C1GALT1C1L: variants seen among roughly 807,000 people sequenced by gnomAD.
C1GALT1C1L encodes C1GALT1-specific chaperone 1-like protein.
In C1GALT1C1L, 1 loss-of-function variant was observed where a neutral mutation model predicts 0.5. The observed-to-expected ratio is 2.11, with a 90% CI of 0.75 to 10.02. The LOEUF (loss-of-function observed/expected upper bound fraction) is 10.02. Ranked by LOEUF, C1GALT1C1L falls within the 30% of genes most tolerant of loss-of-function variation. The pLI is 0.13. For missense variants in C1GALT1C1L, 444 were observed against 375.5 expected, an observed-to-expected ratio of 1.18 and a Z score of -1.51; for synonymous variants, 148 against 132.6, an observed-to-expected ratio of 1.12 and a Z score of -0.80.
chr2:43,675,648 T>C lies in C1GALT1C1L; in HGVS notation c.675A>G (p.Lys225=). The part of the protein sequence containing the change: ...SEDKQLAICL[K]YAGVHAENAE... Reference sequence around the variant, plus strand: ...CATTTTCTGCATGAACTCCTGCATATTTCAGGCATATTGCCAGCTGCTTAT... The same window carrying C: ...CATTTTCTGCATGAACTCCTGCATACTTCAGGCATATTGCCAGCTGCTTAT... Residue 225 remains lysine (K), a synonymous_variant, in exon 1 of 1, where the codon AAA becomes AAG. Transcript: ENST00000475092. 1 of 1,613,996 alleles carries C rather than the reference T, an allele frequency of 6.2e-7. No homozygotes were observed. Among genetic ancestry groups the C allele is most frequent in the Non-Finnish European group, 8.5e-7 (1 of 1,179,896 alleles).
chr2:43,676,084 T>A lies in C1GALT1C1L; in HGVS notation c.239A>T (p.Asp80Val). ...VFCIIFGESE[D>V]ESYWAVLKET... is the part of the protein sequence containing the mutation. Reference sequence around the variant, plus strand: ...TTTCAGTACAGCCCAGTAACTCTCATCTTCGGATTCTCCAAAGATGATACA... The same window carrying A: ...TTTCAGTACAGCCCAGTAACTCTCAACTTCGGATTCTCCAAAGATGATACA... The change falls in exon 1 of 1, where the codon GAT becomes GTT. Residue 80 changes from aspartate to valine, a missense_variant. Physicochemically the swap from Asp to Val is radical, Grantham distance 152. Transcript: ENST00000475092. 1.2e-6 allele frequency: 2 copies of A among 1,613,916 alleles called. No individual in the cohort carries two copies. The highest frequency in any genetic ancestry group is 2.7e-5 in the African/African-American group (2 of 75,028).
In C1GALT1C1L at chr2:43,676,377, T is replaced by C. The variant is rs2104416309; in HGVS notation, c.-55A>G. The C allele has an allele frequency of 7.0e-7, 1 of 1,430,374 alleles. No individual in the cohort carries two copies. The highest frequency in any genetic ancestry group is 9.4e-7 in the Non-Finnish European group (1 of 1,058,834). The allele number at this position is 1,430,374 out of a possible 1,614,324, so 88.6% of individuals were successfully genotyped here. A position where few individuals can be genotyped will look rare whatever the true frequency, so the allele number is the denominator to read the frequency against. On this transcript the variant is annotated 5_prime_UTR_variant, in exon 1 of 1. Coordinates refer to ENST00000475092, the MANE Select transcript of C1GALT1C1L (RefSeq NM_001101330.3). ...TCAAAGGCAGCCTGGGACCGGGTCC[T>C]GGGGTCCCGCGCCTTCCGGAGCTGG... is the stretch of plus-strand genomic sequence containing the variant.
chr2:43,675,841 G>A lies in C1GALT1C1L; in HGVS notation c.482C>T (p.Ala161Val), dbSNP rs1297881575. Residue 161 changes from alanine to valine, a missense_variant, in exon 1 of 1, where the codon GCA (alanine) becomes GTA (valine). Transcript: ENST00000475092. The stretch of plus-strand genomic sequence containing the variant: ...GTGGCCCAGATAGAAGGGCTGGGAT[G>A]CATCCCTTGTAAACAAAAGGTACTT... Reference protein sequence around the residue: ...NLKYLLFTRDASQPFYLGHTV... With the variant: ...NLKYLLFTRDVSQPFYLGHTV... 1.9e-6 allele frequency: 3 copies of A among 1,613,992 alleles called. No homozygotes were observed. The highest frequency in any genetic ancestry group is 1.1e-5 in the South Asian group (1 of 91,078).
At position 43,676,372 on chromosome 2, in the gene C1GALT1C1L, G is replaced by T; in HGVS notation, c.-50C>A. The T allele has an allele frequency of 1.4e-6, 2 of 1,442,936 alleles. No homozygotes were observed. Among genetic ancestry groups the T allele is most frequent in the South Asian group, 2.7e-5 (2 of 72,864 alleles). 89.4% of individuals were successfully genotyped at this position (1,442,936 alleles called of 1,614,324 possible). ...CAGGGTCAAAGGCAGCCTGGGACCGGGTCCTGGGGTCCCGCGCCTTCCGGA... is the reference window on the plus strand; with the variant it reads ...CAGGGTCAAAGGCAGCCTGGGACCGTGTCCTGGGGTCCCGCGCCTTCCGGA... On this transcript the variant is annotated 5_prime_UTR_variant, in exon 1 of 1. Coordinates refer to ENST00000475092, the MANE Select transcript of C1GALT1C1L (RefSeq NM_001101330.3).
At position 43,676,215 on chromosome 2, in the gene C1GALT1C1L, T is replaced by G. The variant is rs4952675; in HGVS notation, c.108A>C (p.Gln36His). 1.7e-5 allele frequency: 27 copies of G among 1,613,718 alleles called. No individual in the cohort carries two copies. The highest frequency in any genetic ancestry group is 2.1e-5 in the Non-Finnish European group (25 of 1,179,868). ...GGTGATGGTGCTCGTGGTCTTGAGT[T>G]TGACCTCTGTGTCGAATGTGAATTT... is the stretch of plus-strand genomic sequence containing the variant. ...FGQIHIRHRG[Q>H]TQDHEHHHLR... Residue 36 changes from glutamine to histidine, a missense_variant, in exon 1 of 1, where the codon CAA (glutamine) becomes CAC (histidine). Physicochemically the swap from Gln to His is conservative, Grantham distance 24. Transcript: ENST00000475092.
At position 43,675,597 on chromosome 2, in the gene C1GALT1C1L, T is replaced by C; in HGVS notation, c.726A>G (p.Val242=). 1 of 1,613,722 alleles carries C rather than the reference T, an allele frequency of 6.2e-7. No individual in the cohort carries two copies. Among genetic ancestry groups the C allele is most frequent in the Non-Finnish European group, 8.5e-7 (1 of 1,179,746 alleles). Residue 242 remains valine, a synonymous_variant, in exon 1 of 1, where the codon GTA becomes GTG. Coordinates refer to ENST00000475092, the MANE Select transcript of C1GALT1C1L (RefSeq NM_001101330.3). ...GCTGTGCGATTGGTTTTGTATTAAA[T>C]ACATCTCTTCCTTCATAATCCTCTG... ...ENAEDYEGRD[V]FNTKPIAQLI... is the part of the protein sequence containing the mutation.
chr2:43,675,788 C>G lies in C1GALT1C1L; in HGVS notation c.535G>C (p.Val179Leu), dbSNP rs1192452431. Residue 179 changes from valine to leucine, a missense_variant, in exon 1 of 1, where the codon GTG becomes CTG. By Grantham distance (32) the Val-to-Leu change is conservative. Transcript: ENST00000475092. Reference protein sequence around the residue: ...HTVIFGDLEYVTVEGGIVLSR... With the variant: ...HTVIFGDLEYLTVEGGIVLSR... ...AAGACAATCCCTCCTTCCACAGTCA[C>G]GTATTCGAGGTCTCCAAATATAACA... is the stretch of plus-strand genomic sequence containing the variant. The G allele has an allele frequency of 6.2e-7, 1 of 1,613,660 alleles. No individual in the cohort carries two copies. The highest frequency in any genetic ancestry group is 1.7e-5 in the Admixed American group (1 of 59,990).
chr2:43,676,033 TTG>T, the C1GALT1C1L span: 2 of 1,614,056 alleles, frequency 1.2e-6, no homozygotes, highest in Non-Finnish European at 1.7e-6. Context: ...GAGCTCTGCT[TTG>T]TCACAGTGTT....
chr2:43,675,559 G>C lies in C1GALT1C1L; in HGVS notation c.764C>G (p.Ala255Gly). The C allele has an allele frequency of 6.2e-7, 1 of 1,613,838 alleles. No individual in the cohort carries two copies. The highest frequency in any genetic ancestry group is 1.3e-5 in the African/African-American group (1 of 75,042). Residue 255 changes from alanine (A) to glycine (G), a missense_variant, in exon 1 of 1, where the codon GCA becomes GGA. Coordinates refer to ENST00000475092, the MANE Select transcript of C1GALT1C1L (RefSeq NM_001101330.3). ...TKPIAQLIEE[A>G]LSNNPQQVVE... is the part of the protein sequence containing the mutation. The stretch of plus-strand genomic sequence containing the variant: ...TACTTGCTGAGGGTTATTAGACAAT[G>C]CCTCTTCAATAAGCTGTGCGATTGG...
At position 43,675,535 on chromosome 2, in the gene C1GALT1C1L, A is replaced by G. The variant is rs1667706743; in HGVS notation, c.788T>C (p.Val263Ala). ...EEALSNNPQQVVEGCCSDMAI... is the reference protein window; with the variant it reads ...EEALSNNPQQAVEGCCSDMAI... ...CATATCTGAACAGCAGCCTTCTACT[A>G]CTTGCTGAGGGTTATTAGACAATGC... The change falls in exon 1 of 1, where the codon GTA becomes GCA. Residue 263 changes from valine (V) to alanine (A), a missense_variant. Transcript: ENST00000475092. The G allele has an allele frequency of 6.2e-7, 1 of 1,613,888 alleles. No individual in the cohort carries two copies. The highest frequency in any genetic ancestry group is 2.2e-5 in the East Asian group (1 of 44,898).
At position 43,676,392 on chromosome 2, in the gene C1GALT1C1L, TC is replaced by T. The variant is rs1425740388; in HGVS notation, c.-71del. On this transcript the variant is annotated 5_prime_UTR_variant, in exon 1 of 1. Coordinates refer to ENST00000475092, the MANE Select transcript of C1GALT1C1L (RefSeq NM_001101330.3). ...GACCGGGTCCTGGGGTCCCGCGCCT[TC>T]CGGAGCTGGCGGCTGCGCTCCCGGT... 7.6e-7 allele frequency: 1 copy of T among 1,307,228 alleles called. No homozygotes were observed. Among genetic ancestry groups the T allele is most frequent in the Non-Finnish European group, 1.0e-6 (1 of 961,048 alleles). The allele number at this position is 1,307,228 out of a possible 1,614,324, so 81.0% of individuals were successfully genotyped here. A position where few individuals can be genotyped will look rare whatever the true frequency, so the allele number is the denominator to read the frequency against.
rs1667753730 is a variant in C1GALT1C1L, at chr2:43,676,015, G to A, written c.308C>T (p.Thr103Ile). The A allele has an allele frequency of 1.2e-6, 2 of 1,614,002 alleles. No individual in the cohort carries two copies. Among genetic ancestry groups the A allele is most frequent in the Admixed American group, 1.7e-5 (1 of 60,020 alleles). ...TATATTGAACAAATTATCATTTTTA[G>A]TATCGTAGAGCTCTGCTTTGTCACA... ...KHCDKAELYD[T>I]KNDNLFNIES... is the part of the protein sequence containing the mutation. The change falls in exon 1 of 1, where the codon ACT becomes ATT. Residue 103 changes from threonine (T) to isoleucine (I), a missense_variant. By Grantham distance (89) the Thr-to-Ile change is moderately conservative. Transcript: ENST00000475092.
At position 43,675,765 on chromosome 2, in the gene C1GALT1C1L, G is replaced by C. The variant is rs759596821; in HGVS notation, c.558C>G (p.Val186=). Residue 186 remains valine, a synonymous_variant, in exon 1 of 1, where the codon GTC becomes GTG. Coordinates refer to ENST00000475092, the MANE Select transcript of C1GALT1C1L (RefSeq NM_001101330.3). Reference sequence around the variant, plus strand: ...GTCTTTTCATCAACTCTCTGCTTAAGACAATCCCTCCTTCCACAGTCACGT... The same window carrying C: ...GTCTTTTCATCAACTCTCTGCTTAACACAATCCCTCCTTCCACAGTCACGT... ...LEYVTVEGGI[V]LSRELMKRLN... 6.2e-7 allele frequency: 1 copy of C among 1,613,698 alleles called. No individual in the cohort carries two copies. Among genetic ancestry groups the C allele is most frequent in the Non-Finnish European group, 8.5e-7 (1 of 1,179,772 alleles).
Position 43,676,329 on chromosome 2 carries a change from G to C in C1GALT1C1L, c.-7C>G. On this transcript the variant is annotated 5_prime_UTR_variant, in exon 1 of 1. Transcript: ENST00000475092. Reference sequence around the variant, plus strand: ...TCCCACTAGCGGAAACCATTTTCCAGGCGTTAGGACAGTGTGCCAGGGTCA... The same window carrying C: ...TCCCACTAGCGGAAACCATTTTCCACGCGTTAGGACAGTGTGCCAGGGTCA... The C allele has an allele frequency of 6.3e-7, 1 of 1,596,476 alleles. No homozygotes were observed. The highest frequency in any genetic ancestry group is 8.5e-7 in the Non-Finnish European group (1 of 1,171,568).
chr2:43,675,773 C>T lies in C1GALT1C1L; in HGVS notation c.550G>A (p.Gly184Arg), dbSNP rs1667726113. The T allele has an allele frequency of 6.2e-7, 1 of 1,613,684 alleles. No individual in the cohort carries two copies. The highest frequency in any genetic ancestry group is 8.5e-7 in the Non-Finnish European group (1 of 1,179,744). ...ATCAACTCTCTGCTTAAGACAATCCCTCCTTCCACAGTCACGTATTCGAGG... is the reference window on the plus strand; with the variant it reads ...ATCAACTCTCTGCTTAAGACAATCCTTCCTTCCACAGTCACGTATTCGAGG... ...GDLEYVTVEG[G>R]IVLSRELMKR... The change falls in exon 1 of 1, where the codon GGG becomes AGG. Residue 184 changes from glycine to arginine, a missense_variant. By Grantham distance (125) the Gly-to-Arg change is moderately radical. Transcript: ENST00000475092.
At chr2:43,675,782 C>CA in the C1GALT1C1L span, 3 of 1,613,552 alleles carry the variant, frequency 1.9e-6, no homozygotes, top group African/African-American at 4.0e-5. Context: ...CCTCCTTCCA[C>CA]AGTCACGTAT....
At position 43,675,477 on chromosome 2, in the gene C1GALT1C1L, C is replaced by T; in HGVS notation, c.846G>A (p.Lys282=). ...AITFNGLTPQ[K]MEVMMYGLYR... ...ACAGGCCATACATCATTACTTCCAT[C>T]TTTTGGGGGGTCAGTCCATTGAAAG... The change falls in exon 1 of 1, where the codon AAG becomes AAA. Residue 282 remains lysine (K), a synonymous_variant. Transcript: ENST00000475092. 6.2e-7 allele frequency: 1 copy of T among 1,614,002 alleles called. No individual in the cohort carries two copies. Among genetic ancestry groups the T allele is most frequent in the Non-Finnish European group, 8.5e-7 (1 of 1,179,886 alleles).
Position 43,675,160 on chromosome 2 carries a change from A to G in C1GALT1C1L, c.*215T>C, listed in dbSNP as rs1667677871. ...TAAAAAGCAGGTGAAATTAATTTTA[A>G]TAGTATATTTTATTTAATGCAAAAT... On this transcript the variant is annotated 3_prime_UTR_variant, in exon 1 of 1. Transcript: ENST00000475092. 4.9e-6 allele frequency: 2 copies of G among 406,656 alleles called. No individual in the cohort carries two copies. The highest frequency in any genetic ancestry group is 8.7e-6 in the Non-Finnish European group (2 of 230,932). The allele number at this position is 406,656 out of a possible 1,614,324, so 25.2% of individuals were successfully genotyped here. A position where few individuals can be genotyped will look rare whatever the true frequency, so the allele number is the denominator to read the frequency against.
In C1GALT1C1L at chr2:43,675,487, G is replaced by T; in HGVS notation, c.836C>A (p.Thr279Asn). Residue 279 changes from threonine (T) to asparagine (N), a missense_variant, in exon 1 of 1, where the codon ACC (threonine) becomes AAC (asparagine). Coordinates refer to ENST00000475092, the MANE Select transcript of C1GALT1C1L (RefSeq NM_001101330.3). ...SDMAITFNGL[T>N]PQKMEVMMYG... The stretch of plus-strand genomic sequence containing the variant: ...CATCATTACTTCCATCTTTTGGGGG[G>T]TCAGTCCATTGAAAGTAATAGCCAT... 6.2e-7 allele frequency: 1 copy of T among 1,613,924 alleles called. No homozygotes were observed. Among genetic ancestry groups the T allele is most frequent in the South Asian group, 1.1e-5 (1 of 91,066 alleles).
Sources: allele counts gnomAD v4.1 joint callset, GRCh38; gene constraint gnomAD v4.1.1; transcripts MANE v1.5; gene names NCBI Gene and HGNC (gene_info 2026-07-23, HGNC 2026-07-21).